Variants in CERKL observed in about 807,000 individuals in gnomAD.
The protein encoded by CERKL is CERK like autophagy regulator.
CERKL carries 61 observed loss-of-function variants against 63.4 expected under a neutral mutation model. The observed-to-expected ratio is 0.96, with a 90% CI of 0.78 to 1.19. The LOEUF (loss-of-function observed/expected upper bound fraction) is 1.19. Ranked by LOEUF, CERKL falls within the 50% of genes most tolerant of loss-of-function variation. The probability of loss-of-function intolerance (pLI) is 0.00; values close to 1 mark genes in which losing one functional copy is unlikely to be tolerated. For missense variants in CERKL, 675 were observed against 655.5 expected (o/e 1.03, Z -0.33); for synonymous variants, 250 against 230.5 (o/e 1.08, Z -0.77).
rs1372780563 is a variant in CERKL at position 181,537,740 on chromosome 2, AAAAAAAAGAATTTGAATTGAT to A, written c.*423_*443del. 3 of 438,752 alleles carry A rather than the reference AAAAAAAAGAATTTGAATTGAT, an allele frequency of 6.8e-6. No homozygotes were observed. In the East Asian group the frequency reaches 2.1e-4, roughly 31 times the overall value. The allele number at this position is 438,752 out of a possible 1,614,324, so 27.2% of individuals were successfully genotyped here. A position where few individuals can be genotyped will look rare whatever the true frequency, so the allele number is the denominator to read the frequency against. On this transcript the variant is annotated 3_prime_UTR_variant, in exon 13 of 13. Coordinates refer to ENST00000410087, the MANE Select transcript of CERKL (RefSeq NM_201548.5). The stretch of plus-strand genomic sequence containing the variant: ...TTTGTGTGTCCAATAAACACATTGT[AAAAAAAAGAATTTGAATTGAT>A]ATCTAAAAACAGAATTTGAATTGAT...
chr2:181,653,446 G>C (rs1050180734), intron 1 of CERKL, among the ~76,000 whole-genome samples: 4 of 152,126 alleles, frequency 2.6e-5, no homozygotes, highest in Non-Finnish European at 5.9e-5. Context: ...ATGTTGAAGA[G>C]ATCTGCAATC....
At chr2:181,650,100 AGGGAGGG>A (rs1687847270) in intron 1 of CERKL, 4 of 62,752 alleles carry the variant, frequency 6.4e-5, no homozygotes, top group African/African-American at 3.1e-4. Context: ...GGAGGGAGGG[AGGGAGGG>A]AGGGAGGAAG....
intron 1 of CERKL, among the ~76,000 whole-genome samples, chr2:181,619,946 A>T (rs1289276067): frequency 6.6e-6 from 1 of 152,246 alleles, no homozygotes; most frequent in Non-Finnish European, 1.5e-5. Flanking sequence ...ATAAAACTGT[A>T]GTAGTTCAAG....
At chr2:181,643,949 A>C (rs1379462067) in intron 1 of CERKL, among the ~76,000 whole-genome samples, 1 of 152,240 alleles carries the variant, frequency 6.6e-6, no homozygotes, top group African/African-American at 2.4e-5. Context: ...CGAACATTTC[A>C]AATAAAAGCT....
Position 181,595,962 on chromosome 2 carries a change from A to G in CERKL, c.481+7875T>C, listed in dbSNP as rs140006360. On this transcript the variant is annotated intron_variant, in intron 2 of 12. Transcript: ENST00000410087. The stretch of plus-strand genomic sequence containing the variant: ...ATCAGCTATTATCATTAGGATTTAC[A>G]TTTTTATAATAATGACTTTAGTAAA... 4.0e-3 allele frequency among the ~76,000 whole-genome samples: 609 copies of G among 152,296 alleles called. 3 individuals are homozygous for G. The highest frequency in any genetic ancestry group is 0.014 in the African/African-American group (578 of 41,574).
intron 1 of CERKL, among the ~76,000 whole-genome samples, chr2:181,628,067 G>A (rs552468175): frequency 6.8e-6 from 1 of 147,682 alleles, no homozygotes; most frequent in Non-Finnish European, 1.5e-5. Flanking sequence ...TGTCCTGAAG[G>A]TTTCATTTGT....
At chr2:181,609,533 T>TAAAAAAAAAAAAAAAAAAAAA (rs869037405) in intron 1 of CERKL, among the ~76,000 whole-genome samples, 5 of 70,230 alleles carry the variant, frequency 7.1e-5, no homozygotes, top group Non-Finnish European at 1.1e-4. Flanking sequence ...CTGTCTCTAC[T>TAAAAAAAAAAAAAAAAAAAAA]AAAAAAAAAA....
At chr2:181,548,186 C>A in intron 8 of CERKL, 1 of 515,738 alleles carries the variant, frequency 1.9e-6, no homozygotes, top group East Asian at 3.4e-5. Context: ...TTTTTTGGTG[C>A]ATTGTTGTAT....
chr2:181,596,636 AT>A (rs1272754184), intron 2 of CERKL, among the ~76,000 whole-genome samples: 1 of 152,228 alleles, frequency 6.6e-6, no homozygotes. Context: ...TTTTAATAAT[AT>A]TTAATAAGAA....
At chr2:181,553,294 C>T (rs1688066838) in intron 5 of CERKL, among the ~76,000 whole-genome samples, 1 of 152,036 alleles carries the variant, frequency 6.6e-6, no homozygotes, top group African/African-American at 2.4e-5. Context: ...AAGGAAGAAA[C>T]AAGTCAATCC....
At chr2:181,647,834 A>G (rs1292172200) in intron 1 of CERKL, among the ~76,000 whole-genome samples, 3 of 152,158 alleles carry the variant, frequency 2.0e-5, no homozygotes, top group Non-Finnish European at 2.9e-5. Context: ...AGCAGGCTAC[A>G]AGAGAATACA....
chr2:181,589,448 G>A (rs1339554464), intron 2 of CERKL, among the ~76,000 whole-genome samples: 1 of 152,052 alleles, frequency 6.6e-6, no homozygotes, highest in African/African-American at 2.4e-5. Context: ...CCAGACCAAT[G>A]GCATGAAGTA....
In CERKL at chr2:181,656,762, C is replaced by A. The variant is rs1334719258; in HGVS notation, c.238+7G>T. ...GGAGGCGAAGACGCTTGGGGCCGGGCACTCACCCGCCGGGCGCTCGGGCTG... is the reference window on the plus strand; with the variant it reads ...GGAGGCGAAGACGCTTGGGGCCGGGAACTCACCCGCCGGGCGCTCGGGCTG... On this transcript the variant is annotated splice_region_variant and intron_variant, in intron 1 of 12. Transcript: ENST00000410087. 1.3e-6 allele frequency: 2 copies of A among 1,585,186 alleles called. No homozygotes were observed. Among genetic ancestry groups the A allele is most frequent in the Non-Finnish European group, 1.7e-6 (2 of 1,165,422 alleles).
intron 4 of CERKL, chr2:181,565,540 C>T: frequency 1.4e-6 from 2 of 1,384,214 alleles, no homozygotes; most frequent in South Asian, 1.2e-5. Flanking sequence ...ATTGTAGTCA[C>T]TACATTATGA....
In CERKL at chr2:181,537,570, C is replaced by A. The variant is rs2105781791; in HGVS notation, c.*614G>T. 1 of 432,196 alleles carries A rather than the reference C, an allele frequency of 2.3e-6. No individual in the cohort carries two copies. Among genetic ancestry groups the A allele is most frequent in the Non-Finnish European group, 4.6e-6 (1 of 216,926 alleles). 26.8% of individuals were successfully genotyped at this position (432,196 alleles called of 1,614,324 possible). A position where few individuals can be genotyped will look rare whatever the true frequency, so the allele number is the denominator to read the frequency against. ...TTAGGGAGCAGTGAATCAAGGCAGA[C>A]TTATGAAATCTGTATTATATTTGTA... On this transcript the variant is annotated 3_prime_UTR_variant, in exon 13 of 13. Coordinates refer to ENST00000410087, the MANE Select transcript of CERKL (RefSeq NM_201548.5).
At chr2:181,621,402 T>C (rs539115468) in intron 1 of CERKL, among the ~76,000 whole-genome samples, 1 of 152,314 alleles carries the variant, frequency 6.6e-6, no homozygotes, top group East Asian at 1.9e-4. Flanking sequence ...CTACAACGTA[T>C]TTGAAGTAAA....
Position 181,573,824 on chromosome 2 carries a change from T to C in CERKL, c.542A>G (p.Glu181Gly). ...CTTCTCATAATAAACCTGGGTAGCTTCTTTTTTGTGACTTTGGGGGTTAAG... is the reference window on the plus strand; with the variant it reads ...CTTCTCATAATAAACCTGGGTAGCTCCTTTTTTGTGACTTTGGGGGTTAAG... ...ILLNPQSHKKEATQVYYEKVE... is the reference protein window; with the variant it reads ...ILLNPQSHKKGATQVYYEKVE... Residue 181 changes from glutamate to glycine, a missense_variant, in exon 3 of 13, where the codon GAA (glutamate) becomes GGA (glycine). Coordinates refer to ENST00000410087, the MANE Select transcript of CERKL (RefSeq NM_201548.5). 1 of 1,612,650 alleles carries C rather than the reference T, an allele frequency of 6.2e-7. No individual in the cohort carries two copies. The highest frequency in any genetic ancestry group is 8.5e-7 in the Non-Finnish European group (1 of 1,179,176).
intron 1 of CERKL, among the ~76,000 whole-genome samples, chr2:181,618,274 T>C (rs1343737111): frequency 6.6e-6 from 1 of 152,102 alleles, no homozygotes; most frequent in Non-Finnish European, 1.5e-5. Context: ...ATATTTTTTT[T>C]TTTTTTTTAG....
chr2:181,647,233 C>T (rs1687708095), intron 1 of CERKL, among the ~76,000 whole-genome samples: 1 of 152,174 alleles, frequency 6.6e-6, no homozygotes, highest in African/African-American at 2.4e-5. Flanking sequence ...TCTAGAAAGT[C>T]TGAAGCTGTA....
Sources: gnomAD v4.1 joint callset for allele counts (sites outside exome capture counted in the v4.1 genomes callset) on GRCh38, gnomAD v4.1.1 for gene constraint, MANE v1.5 for transcripts, NCBI Gene and HGNC (gene_info 2026-07-23, HGNC 2026-07-21) for gene names.